Variants in SNX29 observed in about 807,000 individuals in gnomAD.
The protein encoded by SNX29 is sorting nexin 29.
SNX29 carries 78 observed loss-of-function variants against 102.1 expected under a neutral mutation model. The ratio of observed to expected loss-of-function variants is 0.76; its 90% confidence interval spans 0.64 to 0.92. The LOEUF is 0.92. Ranked by LOEUF, SNX29 falls within the 40% of genes least tolerant of loss-of-function variation. The pLI, the probability that SNX29 is intolerant of heterozygous loss-of-function variation, is 0.00. For missense variants in SNX29, 1,280 were observed against 1,061.7 expected (o/e 1.21, Z -2.86); for synonymous variants, 580 against 414.5 (o/e 1.40, Z -4.85).
At chr16:12,002,944 G>T in intron 2 of SNX29, 47 bp from the exon 3 acceptor site, 1 of 1,612,324 alleles carries the variant, frequency 6.2e-7, no homozygotes, top group Non-Finnish European at 8.5e-7. Context: ...GACGTTTTGA[G>T]TGTCCCATCC....
At chr16:12,552,298 C>T (rs1290473662) in intron 20 of SNX29, among the ~76,000 whole-genome samples, 3 of 152,166 alleles carry the variant, frequency 2.0e-5, no homozygotes, top group Admixed American at 6.6e-5. Flanking sequence ...CCTCAGTTTC[C>T]TCTTCTAGAA....
intron 14 of SNX29, among the ~76,000 whole-genome samples, chr16:12,208,914 C>G (rs2077113562): frequency 6.6e-6 from 1 of 151,564 alleles, no homozygotes; most frequent in Non-Finnish European, 1.5e-5. Context: ...CCTTGCACTA[C>G]TAGGTTGCAC....
intron 20 of SNX29, among the ~76,000 whole-genome samples, chr16:12,553,369 G>T (rs1457116168): frequency 6.6e-6 from 1 of 152,210 alleles, no homozygotes; most frequent in Non-Finnish European, 1.5e-5. Flanking sequence ...GAGCTTGCCA[G>T]ACATGCTCTC....
rs369015533 is a variant in SNX29, at chr16:12,063,366, CTTTTTTT to C, written c.1243+1740_1243+1746del. On this transcript the variant is annotated intron_variant, in intron 9 of 20. Coordinates refer to ENST00000566228, the MANE Select transcript of SNX29 (RefSeq NM_032167.5). ...CCCACCTCTTCTTTTCCTAGTCCATCTTTTTTTTTTTTTTTTTTTTTTTTTTGAGGTG... is the reference window on the plus strand; with the variant it reads ...CCCACCTCTTCTTTTCCTAGTCCATCTTTTTTTTTTTTTTTTTTTGAGGTG... Among the ~76,000 whole-genome samples, 29 of 55,336 alleles carry C rather than the reference CTTTTTTT, an allele frequency of 5.2e-4. 1 individual carries two copies. The highest frequency in any genetic ancestry group is 8.9e-4 in the Non-Finnish European group (27 of 30,392). 36.3% of individuals were successfully genotyped at this position (55,336 alleles called of 152,430 possible).
intron 11 of SNX29, among the ~76,000 whole-genome samples, chr16:12,122,243 G>A (rs138531104): frequency 6.5e-4 from 99 of 152,254 alleles, no homozygotes; most frequent in African/African-American, 2.2e-3. Flanking sequence ...TGCCTCTGTC[G>A]CCACCTTCCT....
At chr16:12,550,231 C>T (rs1247823863) in intron 20 of SNX29, among the ~76,000 whole-genome samples, 2 of 152,172 alleles carry the variant, frequency 1.3e-5, no homozygotes, top group Non-Finnish European at 2.9e-5. Flanking sequence ...CAATACCTTT[C>T]TAATTTTAGA....
At chr16:12,553,436 C>T (rs1337531544) in intron 20 of SNX29, among the ~76,000 whole-genome samples, 1 of 152,202 alleles carries the variant, frequency 6.6e-6, no homozygotes, top group Non-Finnish European at 1.5e-5. Flanking sequence ...ACACTCCAAC[C>T]TGCTGAGCAT....
intron 14 of SNX29, among the ~76,000 whole-genome samples, chr16:12,218,922 C>T (rs540202907): frequency 3.9e-5 from 6 of 152,150 alleles, no homozygotes; most frequent in Non-Finnish European, 7.3e-5. Flanking sequence ...CTAAAGGCAC[C>T]TGCCACCAGT....
chr16:12,183,209 C>G (rs544890721), intron 13 of SNX29, among the ~76,000 whole-genome samples: 1 of 152,276 alleles, frequency 6.6e-6, no homozygotes, highest in African/African-American at 2.4e-5. Context: ...CTATGTTGCT[C>G]AGGCTGGTCT....
In SNX29 at chr16:12,253,945, C is replaced by A. The variant is rs150323494; in HGVS notation, c.1679-23988C>A. ...AGTGAGAATGGTAAGAAGTGGCCTGCCCCTGGCCTTATGTGGATGCTGGAG... is the reference window on the plus strand; with the variant it reads ...AGTGAGAATGGTAAGAAGTGGCCTGACCCTGGCCTTATGTGGATGCTGGAG... On this transcript the variant is annotated intron_variant, in intron 14 of 20. Coordinates refer to ENST00000566228, the MANE Select transcript of SNX29 (RefSeq NM_032167.5). 4.3e-3 allele frequency among the ~76,000 whole-genome samples: 653 copies of A among 152,166 alleles called. 4 individuals are homozygous for A. The highest frequency in any genetic ancestry group is 0.015 in the African/African-American group (617 of 41,522).
intron 1 of SNX29, among the ~76,000 whole-genome samples, chr16:11,982,918 A>C (rs1258730565): frequency 6.6e-6 from 1 of 152,010 alleles, no homozygotes; most frequent in African/African-American, 2.4e-5. Flanking sequence ...TTTATTAAAA[A>C]AAATTTTTTT....
At chr16:12,538,382 G>A (rs553782467) in intron 20 of SNX29, among the ~76,000 whole-genome samples, 67 of 152,236 alleles carry the variant, frequency 4.4e-4, no homozygotes, top group Non-Finnish European at 6.8e-4. Context: ...GAGCCACCGC[G>A]CCCGGCCTCC....
rs557996557 is a variant in SNX29 at position 12,573,808 on chromosome 16, G to A, written c.*5179G>A. ...ATTTCCCGGAGTGAAGGGGATGGGGGTAGAGCTAATTGGAATTTTTATTAT... is the reference window on the plus strand; with the variant it reads ...ATTTCCCGGAGTGAAGGGGATGGGGATAGAGCTAATTGGAATTTTTATTAT... On this transcript the variant is annotated 3_prime_UTR_variant, in exon 21 of 21. Transcript: ENST00000566228. 8.1e-4 allele frequency: 177 copies of A among 219,796 alleles called. 1 individual carries two copies. The highest frequency in any genetic ancestry group is 1.5e-3 in the South Asian group (8 of 5,406). 13.6% of individuals were successfully genotyped at this position (219,796 alleles called of 1,614,324 possible).
intron 19 of SNX29, among the ~76,000 whole-genome samples, chr16:12,481,215 C>T (rs2151830840): frequency 6.6e-6 from 1 of 152,248 alleles, no homozygotes; most frequent in East Asian, 1.9e-4. Context: ...ACAAGTGCAC[C>T]AGCTGGTTCT....
chr16:12,216,821 C>T (rs1298890476), intron 14 of SNX29, among the ~76,000 whole-genome samples: 2 of 149,234 alleles, frequency 1.3e-5, no homozygotes, highest in African/African-American at 4.9e-5. Flanking sequence ...CATTCATCTT[C>T]TCCATTTCTA....
intron 19 of SNX29, among the ~76,000 whole-genome samples, chr16:12,484,212 G>A (rs529571783): frequency 7.9e-5 from 12 of 152,126 alleles, no homozygotes; most frequent in East Asian, 1.9e-4. Context: ...GTAGCGGTGC[G>A]ATCATGGCTC....
intron 13 of SNX29, among the ~76,000 whole-genome samples, chr16:12,159,069 G>A (rs1042005547): frequency 6.6e-6 from 1 of 152,154 alleles, no homozygotes; most frequent in African/African-American, 2.4e-5. Flanking sequence ...AGCACATCTT[G>A]TGCATAACTG....
At chr16:12,484,084 C>T (rs183457555) in intron 19 of SNX29, among the ~76,000 whole-genome samples, 31 of 152,348 alleles carry the variant, frequency 2.0e-4, no homozygotes, top group African/African-American at 7.5e-4. Flanking sequence ...CCATGGACTC[C>T]ACTTTCAAAG....
chr16:12,332,611 G>C (rs956472709), intron 15 of SNX29, among the ~76,000 whole-genome samples: 3 of 152,092 alleles, frequency 2.0e-5, no homozygotes, highest in Non-Finnish European at 2.9e-5. Flanking sequence ...CGAGGTCCAT[G>C]GGCAGGTGCT....
Sources: allele counts gnomAD v4.1 joint callset (sites outside exome capture counted in the v4.1 genomes callset), GRCh38; gene constraint gnomAD v4.1.1; transcripts MANE v1.5; gene names NCBI Gene and HGNC (gene_info 2026-07-23, HGNC 2026-07-21).